Variants in TCERG1L observed in about 807,000 individuals in gnomAD.
TCERG1L encodes the protein transcription elongation regulator 1 like.
A neutral mutation model predicts 56.3 loss-of-function variants in TCERG1L; 37 were observed. That is an observed-to-expected ratio of 0.66 (90% CI 0.51 to 0.87). The LOEUF is 0.87. Among genes scored for constraint, TCERG1L ranks in the 40% least tolerant of loss-of-function variants. The probability of loss-of-function intolerance (pLI) is 0.00; values close to 1 mark genes in which losing one functional copy is unlikely to be tolerated. For missense variants in TCERG1L, 799 were observed against 774.2 expected (o/e 1.03, Z -0.38); for synonymous variants, 324 against 326.3 (o/e 0.99, Z 0.08).
rs942476069 is a variant in TCERG1L, at chr10:131,112,973, C to T, written c.1395+3826G>A. Among the ~76,000 whole-genome samples, 8 of 142,096 alleles carry T rather than the reference C, an allele frequency of 5.6e-5. 2 individuals are homozygous for T. Among genetic ancestry groups the T allele is most frequent in the Non-Finnish European group, 9.5e-5 (6 of 63,104 alleles). 93.2% of individuals were successfully genotyped at this position (142,096 alleles called of 152,430 possible). On this transcript the variant is annotated intron_variant, in intron 9 of 11. Coordinates refer to ENST00000368642, the MANE Select transcript of TCERG1L (RefSeq NM_174937.4). ...GAGTGGCCAGCACAGGCAGAGTTCC[C>T]GTGAGTCCAGGTGGCCCCGGGTGGA...
chr10:131,240,754 G>C (rs1388168343), intron 4 of TCERG1L, among the ~76,000 whole-genome samples: 3 of 152,208 alleles, frequency 2.0e-5, no homozygotes, highest in African/African-American at 7.2e-5. Flanking sequence ...TATGGATCCA[G>C]GAAAAGTGAG....
At chr10:131,236,739 C>T (rs761910267) in intron 4 of TCERG1L, among the ~76,000 whole-genome samples, 4 of 152,126 alleles carry the variant, frequency 2.6e-5, no homozygotes, top group African/African-American at 7.2e-5. Flanking sequence ...AAGGAGAATC[C>T]GCCAGGAGCC....
At chr10:131,198,367 A>T (rs1175504645) in intron 4 of TCERG1L, among the ~76,000 whole-genome samples, 1 of 152,176 alleles carries the variant, frequency 6.6e-6, no homozygotes, top group Non-Finnish European at 1.5e-5. Context: ...CCCATTGCCC[A>T]CCTGCTCCTG....
At chr10:131,221,302 G>C (rs1845729369) in intron 4 of TCERG1L, among the ~76,000 whole-genome samples, 1 of 152,220 alleles carries the variant, frequency 6.6e-6, no homozygotes, top group Non-Finnish European at 1.5e-5. Context: ...ATCACCGGTG[G>C]AGTGGGAGAG....
chr10:131,093,760 C>G (rs1845210866), intron 11 of TCERG1L, among the ~76,000 whole-genome samples: 1 of 152,152 alleles, frequency 6.6e-6, no homozygotes, highest in Non-Finnish European at 1.5e-5. Flanking sequence ...TAGAGCTGCT[C>G]GTCATGAGAA....
intron 4 of TCERG1L, among the ~76,000 whole-genome samples, chr10:131,201,776 A>T (rs545767855): frequency 6.6e-6 from 1 of 152,198 alleles, no homozygotes; most frequent in East Asian, 1.9e-4. Context: ...CGGGACTGTA[A>T]TGACCTTCTA....
At chr10:131,108,946 G>C (rs1031763751) in intron 9 of TCERG1L, among the ~76,000 whole-genome samples, 2 of 152,222 alleles carry the variant, frequency 1.3e-5, no homozygotes, top group African/African-American at 4.8e-5. Context: ...CTTCAAGCCA[G>C]TGAGAGAATC....
chr10:131,177,891 G>A (rs1248622197), intron 4 of TCERG1L, among the ~76,000 whole-genome samples: 1 of 150,400 alleles, frequency 6.6e-6, no homozygotes, highest in Non-Finnish European at 1.5e-5. Context: ...CATGACGCTC[G>A]CACTGCACAC....
At chr10:131,147,450 G>T (rs55885409) in intron 6 of TCERG1L, among the ~76,000 whole-genome samples, 1 of 152,180 alleles carries the variant, frequency 6.6e-6, no homozygotes, top group African/African-American at 2.4e-5. Context: ...CTGACCCCGC[G>T]CTGTCCCCAC....
At chr10:131,138,552 T>C (rs1275089287) in intron 7 of TCERG1L, among the ~76,000 whole-genome samples, 1 of 152,184 alleles carries the variant, frequency 6.6e-6, no homozygotes, top group Non-Finnish European at 1.5e-5. Flanking sequence ...ACCAGGAAAG[T>C]AGGGCCAATT....
chr10:131,195,254 A>G (rs1845346139), intron 4 of TCERG1L, among the ~76,000 whole-genome samples: 1 of 152,156 alleles, frequency 6.6e-6, no homozygotes, highest in Non-Finnish European at 1.5e-5. Context: ...CACAGCTTTT[A>G]TCTGCCCATA....
chr10:131,170,131 AC>A (rs1301280561), intron 4 of TCERG1L, among the ~76,000 whole-genome samples: 2 of 152,174 alleles, frequency 1.3e-5, no homozygotes, highest in East Asian at 3.9e-4. Context: ...GCACTCTTTC[AC>A]AGTCATTGAT....
chr10:131,105,104 G>C (rs1392324133), intron 9 of TCERG1L, among the ~76,000 whole-genome samples: 1 of 152,248 alleles, frequency 6.6e-6, no homozygotes, highest in East Asian at 1.9e-4. Context: ...TTGATGGTTT[G>C]AGGAGCCCTG....
intron 4 of TCERG1L, among the ~76,000 whole-genome samples, chr10:131,237,649 C>T (rs1000853698): frequency 1.3e-5 from 2 of 152,150 alleles, no homozygotes; most frequent in Non-Finnish European, 2.9e-5. Context: ...AAAAGGAAGA[C>T]GTTCCTAGGA....
chr10:131,309,257 A>C lies in TCERG1L; in HGVS notation c.385T>G (p.Ser129Ala). ...ACGGGCACCAGCTCCACTGTGGAAG[A>C]GGGGGGCAGTCCTAGGGACGGAGAA... The part of the protein sequence containing the change: ...GHSPSLGLPP[S>A]STVELVPVFP... Residue 129 changes from serine to alanine, a missense_variant, in exon 2 of 12, where the codon TCT (serine) becomes GCT (alanine). Transcript: ENST00000368642. The C allele has an allele frequency of 6.2e-7, 1 of 1,604,550 alleles. No individual in the cohort carries two copies. The highest frequency in any genetic ancestry group is 1.1e-5 in the South Asian group (1 of 89,344).
intron 4 of TCERG1L, among the ~76,000 whole-genome samples, chr10:131,234,295 A>T (rs554442607): frequency 6.6e-6 from 1 of 152,340 alleles, no homozygotes; most frequent in East Asian, 1.9e-4. Context: ...AAGCTGTTGA[A>T]AAGATACTTC....
intron 3 of TCERG1L, among the ~76,000 whole-genome samples, chr10:131,274,217 A>C (rs1027779537): frequency 2.0e-5 from 3 of 152,198 alleles, no homozygotes; most frequent in Non-Finnish European, 2.9e-5. Flanking sequence ...ACATTTTCAT[A>C]TTCTAAAACG....
At chr10:131,181,197 G>A (rs1394858636) in intron 4 of TCERG1L, among the ~76,000 whole-genome samples, 2 of 138,268 alleles carry the variant, frequency 1.4e-5, no homozygotes, top group Admixed American at 7.6e-5. Context: ...CCAAGGCCTG[G>A]AGCCTGAGGG....
intron 7 of TCERG1L, among the ~76,000 whole-genome samples, chr10:131,136,965 C>T (rs1845682087): frequency 6.6e-6 from 1 of 151,598 alleles, no homozygotes; most frequent in Non-Finnish European, 1.5e-5. Context: ...CATGGTGAAA[C>T]CTCGTTTCTA....
Sources: gnomAD v4.1 joint callset for allele counts (sites outside exome capture counted in the v4.1 genomes callset) on GRCh38, gnomAD v4.1.1 for gene constraint, MANE v1.5 for transcripts, NCBI Gene and HGNC (gene_info 2026-07-23, HGNC 2026-07-21) for gene names.